The following RERE variants were observed in gnomAD, a reference collection of about 807,000 sequenced individuals.
The protein encoded by RERE is arginine-glutamic acid dipeptide repeats protein.
In RERE, 40 loss-of-function variants were observed where a neutral mutation model predicts 146.1. That is an observed-to-expected ratio of 0.27 (90% CI 0.21 to 0.36). RERE has a LOEUF of 0.36. Among genes scored for constraint, RERE ranks in the 10% least tolerant of loss-of-function variants. The pLI, the probability that RERE is intolerant of heterozygous loss-of-function variation, is 1.00. For missense variants in RERE, 1,933 were observed against 2,138.7 expected, an observed-to-expected ratio of 0.90 and a Z score of 1.90; for synonymous variants, 1,003 against 866.0, an observed-to-expected ratio of 1.16 and a Z score of -2.78.
At chr1:8,410,841 A>G (rs916844242) in intron 12 of RERE, among the ~76,000 whole-genome samples, 2 of 152,188 alleles carry the variant, frequency 1.3e-5, no homozygotes, top group African/African-American at 4.8e-5. Context: ...GCACCGTGGC[A>G]GCCAGTAAGA....
intron 1 of RERE, among the ~76,000 whole-genome samples, chr1:8,809,506 G>A (rs867158798): frequency 6.6e-6 from 1 of 152,188 alleles, no homozygotes; most frequent in South Asian, 2.1e-4. Context: ...CCAGGGAACA[G>A]ACAGTTGTGA....
At chr1:8,514,872 G>C (rs900949771) in intron 7 of RERE, among the ~76,000 whole-genome samples, 2 of 152,174 alleles carry the variant, frequency 1.3e-5, no homozygotes, top group Admixed American at 1.3e-4. Flanking sequence ...AAGTGCTGGA[G>C]GCTAAAATTC....
chr1:8,640,867 T>C, intron 2 of RERE, among the ~76,000 whole-genome samples: 1 of 152,198 alleles, frequency 6.6e-6, no homozygotes, highest in East Asian at 1.9e-4. Flanking sequence ...AGTAAAATAG[T>C]GAAGCATTTA....
At chr1:8,803,378 G>A (rs1048286147) in intron 1 of RERE, among the ~76,000 whole-genome samples, 1 of 152,100 alleles carries the variant, frequency 6.6e-6, no homozygotes, top group African/African-American at 2.4e-5. Flanking sequence ...GCTGAGGCAG[G>A]AGAATCGCTT....
chr1:8,602,578 C>T (rs1466250368), intron 4 of RERE, among the ~76,000 whole-genome samples: 1 of 150,508 alleles, frequency 6.6e-6, no homozygotes, highest in Non-Finnish European at 1.5e-5. Context: ...ACTAAAATTA[C>T]TAAAACTATA....
At chr1:8,539,303 A>C (rs717829) in intron 7 of RERE, among the ~76,000 whole-genome samples, 4,297 of 152,336 alleles carry the variant, frequency 0.028, 175 homozygotes, top group African/African-American at 0.097. Flanking sequence ...CAGATGCTTA[A>C]GAAATATTAC....
At chr1:8,712,925 C>A (rs1056243213) in intron 1 of RERE, among the ~76,000 whole-genome samples, 3 of 152,046 alleles carry the variant, frequency 2.0e-5, no homozygotes, top group African/African-American at 7.2e-5. Context: ...CAGCCTAAGG[C>A]GTCATGGTTG....
chr1:8,683,290 C>A (rs1195910561), intron 1 of RERE, among the ~76,000 whole-genome samples: 1 of 152,090 alleles, frequency 6.6e-6, no homozygotes, highest in Non-Finnish European at 1.5e-5. Context: ...TCCTTTTAAT[C>A]CCACTCCTCC....
rs938102837 is a variant in RERE, at chr1:8,543,353, C to T, written c.726-2035G>A. Among the ~76,000 whole-genome samples the T allele has an allele frequency of 1.3e-5, 2 of 152,170 alleles. 1 individual carries two copies. The highest frequency in any genetic ancestry group is 4.8e-5 in the African/African-American group (2 of 41,438). On this transcript the variant is annotated intron_variant, in intron 6 of 22. Transcript: ENST00000400908. ...CCCGAAAGCCAGAAGAAATAGGTTC[C>T]TTTAGCAGTAAAATAGAGATAACAC... is the stretch of plus-strand genomic sequence containing the variant.
chr1:8,777,319 T>A (rs1641082510), intron 1 of RERE, among the ~76,000 whole-genome samples: 1 of 151,884 alleles, frequency 6.6e-6, no homozygotes, highest in Admixed American at 6.6e-5. Context: ...ATATTTTTCT[T>A]ATGTTTTATA....
In RERE at chr1:8,739,122, T is replaced by A. The variant is rs1335221627; in HGVS notation, c.-145+78038A>T. Among the ~76,000 whole-genome samples, 3 of 152,348 alleles carry A rather than the reference T, an allele frequency of 2.0e-5. No individual in the cohort carries two copies. In the East Asian group the frequency reaches 5.8e-4, roughly 29 times the overall value. On this transcript the variant is annotated intron_variant, in intron 1 of 22. Coordinates refer to ENST00000400908, the MANE Select transcript of RERE (RefSeq NM_001042681.2). Reference sequence around the variant, plus strand: ...ATCATTAACTATAACAAAAGATTAATGAGAAGTTGGCAAATAAGACCTTGA... The same window carrying A: ...ATCATTAACTATAACAAAAGATTAAAGAGAAGTTGGCAAATAAGACCTTGA...
intron 1 of RERE, among the ~76,000 whole-genome samples, chr1:8,660,777 T>G (rs1486630668): frequency 6.6e-6 from 1 of 152,234 alleles, no homozygotes; most frequent in Non-Finnish European, 1.5e-5. Flanking sequence ...TGAAAATATC[T>G]GTGTCAATCA....
At chr1:8,455,325 C>G (rs1644441664) in intron 11 of RERE, among the ~76,000 whole-genome samples, 1 of 152,050 alleles carries the variant, frequency 6.6e-6, no homozygotes, top group Non-Finnish European at 1.5e-5. Flanking sequence ...GAGCACGATT[C>G]CTGAACTGGG....
At chr1:8,767,558 T>C (rs1417339908) in intron 1 of RERE, among the ~76,000 whole-genome samples, 2 of 146,738 alleles carry the variant, frequency 1.4e-5, no homozygotes, top group Non-Finnish European at 3.0e-5. Context: ...TAAACCAAGA[T>C]TGCACCACTG....
At chr1:8,477,973 TAAGA>T (rs1570305225) in intron 10 of RERE, among the ~76,000 whole-genome samples, 2 of 152,112 alleles carry the variant, frequency 1.3e-5, no homozygotes, top group African/African-American at 4.8e-5. Context: ...CTTTAGTAAC[TAAGA>T]AATAAGCAAA....
intron 11 of RERE, among the ~76,000 whole-genome samples, chr1:8,456,529 G>A (rs1000230821): frequency 1.3e-5 from 2 of 152,278 alleles, no homozygotes. Flanking sequence ...CATAACTGAA[G>A]CCGTAAAAAC....
chr1:8,376,187 G>A (rs914820517), intron 12 of RERE, among the ~76,000 whole-genome samples: 1 of 152,164 alleles, frequency 6.6e-6, no homozygotes, highest in South Asian at 2.1e-4. Flanking sequence ...AGTGAGGGGG[G>A]CAAATTTGGG....
intron 4 of RERE, among the ~76,000 whole-genome samples, chr1:8,612,300 G>A (rs1646802092): frequency 6.6e-6 from 1 of 152,138 alleles, no homozygotes; most frequent in African/African-American, 2.4e-5. Flanking sequence ...TGCCTTGCAG[G>A]ATTTATGAGA....
intron 1 of RERE, among the ~76,000 whole-genome samples, chr1:8,689,139 T>A (rs1265735331): frequency 6.6e-6 from 1 of 152,148 alleles, no homozygotes; most frequent in Non-Finnish European, 1.5e-5. Context: ...GAAATTTCAA[T>A]GGAAAATGGA....
Sources: gnomAD v4.1 joint callset for allele counts (sites outside exome capture counted in the v4.1 genomes callset) on GRCh38, gnomAD v4.1.1 for gene constraint, MANE v1.5 for transcripts, NCBI Gene and HGNC (gene_info 2026-07-23, HGNC 2026-07-21) for gene names.